The following NIPAL3 variants were observed in gnomAD, a reference collection of about 807,000 sequenced individuals.
NIPAL3 encodes the protein NIPA-like protein 3.
In NIPAL3, 41 loss-of-function variants were observed where a neutral mutation model predicts 47.2. The observed-to-expected ratio is 0.87, with a 90% CI of 0.68 to 1.13. The LOEUF is 1.13. Ranked by LOEUF, NIPAL3 falls within the 50% of genes most tolerant of loss-of-function variation. The probability of loss-of-function intolerance (pLI) is 0.00; values close to 1 mark genes in which losing one functional copy is unlikely to be tolerated. For missense variants in NIPAL3, 449 were observed against 530.1 expected, an observed-to-expected ratio of 0.85 and a Z score of 1.50; for synonymous variants, 194 against 209.6, an observed-to-expected ratio of 0.93 and a Z score of 0.64.
intron 3 of NIPAL3, 30 bp downstream of exon 3, chr1:24,440,270 G>A: frequency 6.5e-7 from 1 of 1,529,612 alleles, no homozygotes; most frequent in South Asian, 1.3e-5. Flanking sequence ...ACTGTCTGGG[G>A]ACAGAGACAC....
intron 9 of NIPAL3, among the ~76,000 whole-genome samples, chr1:24,459,957 C>T (rs921502895): frequency 6.6e-6 from 1 of 152,188 alleles, no homozygotes; most frequent in African/African-American, 2.4e-5. Context: ...AGTAGGCCCA[C>T]CCCACTCCCA....
intron 2 of NIPAL3, among the ~76,000 whole-genome samples, chr1:24,425,337 A>G (rs1393583257): frequency 6.6e-6 from 1 of 152,138 alleles, no homozygotes; most frequent in Non-Finnish European, 1.5e-5. Flanking sequence ...TAAGCTCATC[A>G]GTGGCTATCA....
intron 3 of NIPAL3, among the ~76,000 whole-genome samples, chr1:24,440,756 C>T (rs1016825625): frequency 1.3e-5 from 2 of 152,160 alleles, no homozygotes; most frequent in African/African-American, 4.8e-5. Flanking sequence ...CATGCAGGCA[C>T]AGTTGGGGTG....
intron 5 of NIPAL3, among the ~76,000 whole-genome samples, chr1:24,446,861 A>G (rs559017850): frequency 1.3e-5 from 2 of 152,302 alleles, no homozygotes; most frequent in Non-Finnish European, 1.5e-5. Flanking sequence ...GTCTTCCACA[A>G]TCGTTGAACT....
At chr1:24,420,144 A>C (rs2148742841) in intron 2 of NIPAL3, 1 of 152,856 alleles carries the variant, frequency 6.5e-6, no homozygotes, top group African/African-American at 2.4e-5. Context: ...AGGCAGAGAA[A>C]CACCATAAAA....
intron 2 of NIPAL3, among the ~76,000 whole-genome samples, chr1:24,429,439 C>T (rs979027878): frequency 1.3e-5 from 2 of 152,152 alleles, no homozygotes; most frequent in Admixed American, 6.5e-5. Context: ...ATTCAGTACC[C>T]ACTATCAGCC....
At chr1:24,436,546 T>A (rs1645115005) in intron 2 of NIPAL3, among the ~76,000 whole-genome samples, 1 of 151,948 alleles carries the variant, frequency 6.6e-6, no homozygotes, top group African/African-American at 2.4e-5. Flanking sequence ...TGGAGTACAA[T>A]GGTGCAATCT....
intron 2 of NIPAL3, among the ~76,000 whole-genome samples, chr1:24,432,347 G>A (rs896995551): frequency 5.3e-5 from 8 of 151,966 alleles, no homozygotes; most frequent in African/African-American, 1.7e-4. Context: ...GGCTGGTCTC[G>A]AACTCCCAAC....
Position 24,416,197 on chromosome 1 carries a change from G to T in NIPAL3, c.-258+293G>T. ...TTCTCCTCTTCGTGCCGAGCGGCTC[G>T]GGCTTCCTGGCGGCAGCAGATGGTG... On this transcript the variant is annotated intron_variant, in intron 1 of 11. Coordinates refer to ENST00000374399, the MANE Select transcript of NIPAL3 (RefSeq NM_020448.5). The surrounding 1 kb of genome is among the most constrained non-coding windows in gnomAD (Gnocchi z 4.8). The T allele has an allele frequency of 2.0e-6, 2 of 985,652 alleles. No homozygotes were observed. Among genetic ancestry groups the T allele is most frequent in the Non-Finnish European group, 2.4e-6 (2 of 830,162 alleles). 61.1% of individuals were successfully genotyped at this position (985,652 alleles called of 1,614,324 possible). A position where few individuals can be genotyped will look rare whatever the true frequency, so the allele number is the denominator to read the frequency against.
At chr1:24,457,006 A>G (rs1333838542) in intron 8 of NIPAL3, among the ~76,000 whole-genome samples, 1 of 152,012 alleles carries the variant, frequency 6.6e-6, no homozygotes, top group Non-Finnish European at 1.5e-5. Flanking sequence ...CAAGTGATCC[A>G]CCCACCTTGG....
chr1:24,419,818 G>T, intron 2 of NIPAL3, 178 bp downstream of exon 2: 1 of 573,124 alleles, frequency 1.7e-6, no homozygotes, highest in Non-Finnish European at 3.1e-6. Context: ...GGCCGGGAGT[G>T]GTGGCTCACA....
intron 8 of NIPAL3, among the ~76,000 whole-genome samples, chr1:24,458,580 G>A (rs928273608): frequency 1.3e-5 from 2 of 152,040 alleles, no homozygotes; most frequent in Non-Finnish European, 2.9e-5. Context: ...GGGGATACGG[G>A]GGGTGAGGAG....
chr1:24,455,503 C>T (rs1646152090), intron 7 of NIPAL3, among the ~76,000 whole-genome samples: 1 of 152,134 alleles, frequency 6.6e-6, no homozygotes, highest in South Asian at 2.1e-4. Context: ...CATTCCAAAA[C>T]ACTGGAGAAA....
rs1413061774 is a variant in NIPAL3, at chr1:24,442,225, A to C, written c.333A>C (p.Ile111=). 1.9e-6 allele frequency: 3 copies of C among 1,613,416 alleles called. No individual in the cohort carries two copies. The highest frequency in any genetic ancestry group is 2.5e-6 in the Non-Finnish European group (3 of 1,179,886). ...LIVPLSAVSV[I]ASAIIGIIFI... ...TGCCCCTCAGCGCAGTTTCTGTGAT[A>C]GGTAAGACCAGGGCTGCCCCACCCT... The change falls in exon 4 of 12, where the codon ATA becomes ATC. Residue 111 remains isoleucine (I), a splice_region_variant and synonymous_variant. Transcript: ENST00000374399.
At chr1:24,418,566 C>T (rs1189198113) in intron 1 of NIPAL3, among the ~76,000 whole-genome samples, 3 of 152,134 alleles carry the variant, frequency 2.0e-5, no homozygotes, top group Non-Finnish European at 4.4e-5. Context: ...ATGTTTGTGC[C>T]ACTGCACTCC....
At position 24,451,380 on chromosome 1, in the gene NIPAL3, T is replaced by TA. The variant is rs1230001829; in HGVS notation, c.540+1755dup. Among the ~76,000 whole-genome samples the TA allele has an allele frequency of 6.6e-6, 1 of 152,194 alleles. No individual in the cohort carries two copies. The highest frequency in any genetic ancestry group is 1.5e-5 in the Non-Finnish European group (1 of 68,038). ...CATCTCATGATATAATGTCCAGTGC[T>TA]ATTCCAGTGTTCATTTTAGAATCAT... On this transcript the variant is annotated intron_variant, in intron 6 of 11. Transcript: ENST00000374399. The surrounding 1 kb of genome is among the most constrained non-coding windows in gnomAD (Gnocchi z 4.5).
chr1:24,443,710 A>G (rs1270254452), intron 4 of NIPAL3, among the ~76,000 whole-genome samples: 27 of 152,238 alleles, frequency 1.8e-4, no homozygotes, highest in Non-Finnish European at 1.5e-5. Context: ...GTCCTCAGAC[A>G]TGGTGTGTGT....
In NIPAL3 at chr1:24,470,437, A is replaced by G. The variant is rs1020267431; in HGVS notation, c.*1252A>G. On this transcript the variant is annotated 3_prime_UTR_variant, in exon 12 of 12. Coordinates refer to ENST00000374399, the MANE Select transcript of NIPAL3 (RefSeq NM_020448.5). Reference sequence around the variant, plus strand: ...CCACGGGTCTGCATTCTTAACTGGTACCACCAGTGATTCTGATGCGATGCT... The same window carrying G: ...CCACGGGTCTGCATTCTTAACTGGTGCCACCAGTGATTCTGATGCGATGCT... The G allele has an allele frequency of 1.3e-5, 2 of 152,226 alleles. No individual in the cohort carries two copies. The highest frequency in any genetic ancestry group is 4.8e-5 in the African/African-American group (2 of 41,448). 9.4% of individuals were successfully genotyped at this position (152,226 alleles called of 1,614,324 possible).
chr1:24,455,539 C>T (rs1646154342), intron 7 of NIPAL3, among the ~76,000 whole-genome samples: 1 of 152,168 alleles, frequency 6.6e-6, no homozygotes, highest in South Asian at 2.1e-4. Flanking sequence ...AAGTGACCAG[C>T]TGGGCGCGGA....
Sources: gnomAD v4.1 joint callset for allele counts (sites outside exome capture counted in the v4.1 genomes callset) on GRCh38, gnomAD v4.1.1 for gene constraint, Gnocchi (gnomAD v3.1) non-coding constraint, MANE v1.5 for transcripts, NCBI Gene and HGNC (gene_info 2026-07-23, HGNC 2026-07-21) for gene names.